Variants in TMEM266 observed in about 807,000 individuals in gnomAD.
TMEM266 encodes Hv1 related protein 1.
Under a neutral mutation model 50.5 loss-of-function variants are expected in TMEM266, and 33 were observed. The ratio of observed to expected loss-of-function variants is 0.65; its 90% confidence interval spans 0.50 to 0.87. The LOEUF is 0.87. TMEM266 is among the 40% of genes least tolerant of loss of function. The pLI, the probability that TMEM266 is intolerant of heterozygous loss-of-function variation, is 0.00. For synonymous variants in TMEM266, 310 were observed against 292.3 expected, an observed-to-expected ratio of 1.06 and a Z score of -0.62; for missense variants, 655 against 695.1, an observed-to-expected ratio of 0.94 and a Z score of 0.65.
chr15:76,162,841 G>A (rs959278885), intron 5 of TMEM266, among the ~76,000 whole-genome samples: 3 of 152,208 alleles, frequency 2.0e-5, no homozygotes, highest in Non-Finnish European at 2.9e-5. Flanking sequence ...TGAGTACCAC[G>A]TCTTCAGGTC....
At chr15:76,102,161 T>A (rs2142004343) in intron 1 of TMEM266, among the ~76,000 whole-genome samples, 1 of 152,318 alleles carries the variant, frequency 6.6e-6, no homozygotes, top group African/African-American at 2.4e-5. Context: ...CTCTACCTTC[T>A]TATACTCTTC....
chr15:76,177,394 A>G (rs1240751770), intron 8 of TMEM266, among the ~76,000 whole-genome samples: 1 of 152,230 alleles, frequency 6.6e-6, no homozygotes, highest in Non-Finnish European at 1.5e-5. Context: ...GACCAACCCC[A>G]GCCTCTCACA....
intron 1 of TMEM266, among the ~76,000 whole-genome samples, chr15:76,120,813 G>GTA (rs1168795696): frequency 6.6e-6 from 1 of 151,012 alleles, no homozygotes; most frequent in Non-Finnish European, 1.5e-5. Flanking sequence ...ATTAACATTG[G>GTA]TATGTGTTTT....
intron 1 of TMEM266, among the ~76,000 whole-genome samples, chr15:76,099,574 G>A (rs1196859061): frequency 6.6e-6 from 1 of 152,190 alleles, no homozygotes; most frequent in African/African-American, 2.4e-5. Context: ...TTCCAAATAA[G>A]GAAACTGAGG....
At chr15:76,063,890 A>G (rs1243893709) in intron 1 of TMEM266, among the ~76,000 whole-genome samples, 1 of 152,216 alleles carries the variant, frequency 6.6e-6, no homozygotes, top group Non-Finnish European at 1.5e-5. Context: ...GGGAACAGCA[A>G]GAAAGTAGAG....
chr15:76,107,475 A>G (rs1305814132), intron 1 of TMEM266, among the ~76,000 whole-genome samples: 1 of 152,220 alleles, frequency 6.6e-6, no homozygotes, highest in East Asian at 1.9e-4. Flanking sequence ...CCATTATGAA[A>G]GAAACTGTTA....
At position 76,187,584 on chromosome 15, in the gene TMEM266, G is replaced by A. The variant is rs147490613; in HGVS notation, c.769-4384G>A. Among the ~76,000 whole-genome samples, 421 of 152,312 alleles carry A rather than the reference G, an allele frequency of 2.8e-3. 1 individual carries two copies. The highest frequency in any genetic ancestry group is 9.5e-3 in the African/African-American group (397 of 41,572). ...GGCTGCCCTATAATGAGCTAGCCTCGCTTTCTCACTCTGTGAGCCCTCCAG... is the reference window on the plus strand; with the variant it reads ...GGCTGCCCTATAATGAGCTAGCCTCACTTTCTCACTCTGTGAGCCCTCCAG... On this transcript the variant is annotated intron_variant, in intron 8 of 10. Transcript: ENST00000388942.
intron 1 of TMEM266, among the ~76,000 whole-genome samples, chr15:76,097,738 C>A (rs1041374304): frequency 6.6e-6 from 1 of 151,994 alleles, no homozygotes; most frequent in Non-Finnish European, 1.5e-5. Context: ...TTCAGATACA[C>A]CAATCAAACG....
At chr15:76,098,452 G>A (rs2036952880) in intron 1 of TMEM266, among the ~76,000 whole-genome samples, 1 of 152,100 alleles carries the variant, frequency 6.6e-6, no homozygotes, top group Non-Finnish European at 1.5e-5. Flanking sequence ...TCCCCTGGAA[G>A]CCTCGTCCCA....
chr15:76,204,413 C>G lies in TMEM266; in HGVS notation c.*98C>G. On this transcript the variant is annotated 3_prime_UTR_variant, in exon 11 of 11. Coordinates refer to ENST00000388942, the MANE Select transcript of TMEM266 (RefSeq NM_152335.3). ...AAGGGCCACACGCGGGGCCCAGGAG[C>G]CCACCTGGCCTCCCTCAGGGTGCTG... 8.3e-7 allele frequency: 1 copy of G among 1,204,186 alleles called. No individual in the cohort carries two copies. Among genetic ancestry groups the G allele is most frequent in the Non-Finnish European group, 1.2e-6 (1 of 865,212 alleles). 74.6% of individuals were successfully genotyped at this position (1,204,186 alleles called of 1,614,324 possible).
chr15:76,180,607 C>CTTTTTT lies in TMEM266; in HGVS notation c.768+4952_768+4957dup, dbSNP rs59287886. On this transcript the variant is annotated intron_variant, in intron 8 of 10. Transcript: ENST00000388942. ...TTACTCTCTGTTTCTTCATCTTAAG[C>CTTTTTT]TTTTTTTTTTTTTTTTTTTTTTTTG... Among the ~76,000 whole-genome samples, 35 of 63,170 alleles carry CTTTTTT rather than the reference C, an allele frequency of 5.5e-4. 1 individual carries two copies. The highest frequency in any genetic ancestry group is 9.1e-4 in the South Asian group (1 of 1,094). 41.4% of individuals were successfully genotyped at this position (63,170 alleles called of 152,430 possible).
rs1283006839 is a variant in TMEM266 at position 76,119,409 on chromosome 15, A to AG, written c.-96-14759_-96-14758insG. ...TTTATGGCAAAAAAAAAAAAAAAAAAAAAGAAAAGAAAAGAAAATAGGGTC... is the reference window on the plus strand; with the variant it reads ...TTTATGGCAAAAAAAAAAAAAAAAAAGAAAGAAAAGAAAAGAAAATAGGGTC... On this transcript the variant is annotated intron_variant, in intron 1 of 10. Transcript: ENST00000388942. Among the ~76,000 whole-genome samples, 3 of 149,494 alleles carry AG rather than the reference A, an allele frequency of 2.0e-5. No individual in the cohort carries two copies. In the East Asian group the frequency reaches 5.9e-4, roughly 29 times the overall value.
At chr15:76,112,446 T>G (rs2037184040) in intron 1 of TMEM266, 1 of 152,210 alleles carries the variant, frequency 6.6e-6, no homozygotes, top group African/African-American at 2.4e-5. Context: ...ACCTAAAGTT[T>G]CCATAAAAAA....
chr15:76,126,538 T>TG (rs2037426233), intron 1 of TMEM266, among the ~76,000 whole-genome samples: 1 of 151,604 alleles, frequency 6.6e-6, no homozygotes, highest in African/African-American at 2.4e-5. Flanking sequence ...GTTAGAATTT[T>TG]TTTTTTTTTT....
At chr15:76,200,820 C>A (rs143025589) in intron 9 of TMEM266, among the ~76,000 whole-genome samples, 2 of 152,308 alleles carry the variant, frequency 1.3e-5, no homozygotes, top group East Asian at 3.9e-4. Context: ...CTGGAGCCAG[C>A]CCGGGGCCCT....
chr15:76,135,292 A>G (rs2037571245), intron 2 of TMEM266, among the ~76,000 whole-genome samples: 1 of 152,174 alleles, frequency 6.6e-6, no homozygotes, highest in African/African-American at 2.4e-5. Flanking sequence ...TAGGCTAAAT[A>G]TAGCCTATAC....
chr15:76,163,270 T>C (rs1459307669), intron 5 of TMEM266, among the ~76,000 whole-genome samples: 1 of 152,176 alleles, frequency 6.6e-6, no homozygotes, highest in Non-Finnish European at 1.5e-5. Flanking sequence ...CCCCAGGCCA[T>C]AGAGCTAGGC....
chr15:76,181,923 A>G (rs1024806623), intron 8 of TMEM266, among the ~76,000 whole-genome samples: 2 of 152,186 alleles, frequency 1.3e-5, no homozygotes, highest in African/African-American at 4.8e-5. Context: ...ACAAAATAGT[A>G]TGATCTGACC....
At chr15:76,199,092 GACTGGTCACAGGGCCAGGGGTCCCTCA>G (rs1326296918) in intron 9 of TMEM266, among the ~76,000 whole-genome samples, 8 of 152,232 alleles carry the variant, frequency 5.3e-5, no homozygotes, top group Non-Finnish European at 8.8e-5. Flanking sequence ...TCCAATCTAG[GACTGGTCACAGGGCCAGGGGTCCCTCA>G]ACTGGTCACA....
Sources: gnomAD v4.1 joint callset for allele counts (sites outside exome capture counted in the v4.1 genomes callset) on GRCh38, gnomAD v4.1.1 for gene constraint, MANE v1.5 for transcripts, NCBI Gene and HGNC (gene_info 2026-07-23, HGNC 2026-07-21) for gene names.